CDK3: variants seen among roughly 807,000 people sequenced by gnomAD.
CDK3 encodes the protein cyclin dependent kinase 3.
In CDK3, 24 loss-of-function variants were observed where a neutral mutation model predicts 30.2. The observed-to-expected ratio is 0.79, with a 90% confidence interval of 0.57 to 1.12. The LOEUF (loss-of-function observed/expected upper bound fraction) is 1.12. Ranked by LOEUF, CDK3 falls within the 50% of genes most tolerant of loss-of-function variation. The probability of loss-of-function intolerance (pLI) is 0.00; values close to 1 mark genes in which losing one functional copy is unlikely to be tolerated. For synonymous variants in CDK3, 158 were observed against 154.2 expected, an observed-to-expected ratio of 1.02 and a Z score of -0.18; for missense variants, 345 against 376.0, an observed-to-expected ratio of 0.92 and a Z score of 0.68.
chr17:76,003,707 A>C (rs1455439012), intron 7 of CDK3, among the ~76,000 whole-genome samples: 1 of 152,104 alleles, frequency 6.6e-6, no homozygotes, highest in Non-Finnish European at 1.5e-5. Context: ...GCTCCATCTA[A>C]GCTGTATGCC....
chr17:76,003,099 T>C, intron 6 of CDK3, 96 bp from the exon 7 acceptor site: 1 of 957,722 alleles, frequency 1.0e-6, no homozygotes, highest in Non-Finnish European at 1.6e-6. Flanking sequence ...AAAAGATATC[T>C]TGACAGGCCT....
rs73997685 is a variant in CDK3, at chr17:76,005,620, C to T, written c.*197C>T. ...TGTTGTTTTTTGGGTTGGACGGTGCCGTTTCAAAATAGAGGCACAGATGCT... is the reference window on the plus strand; with the variant it reads ...TGTTGTTTTTTGGGTTGGACGGTGCTGTTTCAAAATAGAGGCACAGATGCT... On this transcript the variant is annotated 3_prime_UTR_variant, in exon 8 of 8. Coordinates refer to ENST00000448471, the MANE Select transcript of CDK3 (RefSeq NM_001258.4). The surrounding 1 kb of genome is among the most constrained non-coding windows in gnomAD (Gnocchi z 4.7). 4.3e-4 allele frequency: 263 copies of T among 607,914 alleles called. No homozygotes were observed. The highest frequency in any genetic ancestry group is 3.9e-3 in the African/African-American group (207 of 53,626). 37.7% of individuals were successfully genotyped at this position (607,914 alleles called of 1,614,324 possible).
intron 7 of CDK3, among the ~76,000 whole-genome samples, chr17:76,004,933 T>TG (rs920371410): frequency 3.3e-5 from 5 of 152,246 alleles, no homozygotes; most frequent in Middle Eastern, 3.4e-3. Flanking sequence ...TTTGGCCTCT[T>TG]GGAGTGTCAG....
intron 7 of CDK3, among the ~76,000 whole-genome samples, chr17:76,004,020 A>C (rs776224139): frequency 4.6e-5 from 7 of 151,826 alleles, no homozygotes; most frequent in Non-Finnish European, 8.8e-5. Flanking sequence ...CTGGGATTAC[A>C]GGCATGAGCC....
Position 76,001,367 on chromosome 17 carries a change from C to T in CDK3, c.-14-45C>T, listed in dbSNP as rs1448368111. 38 of 1,610,588 alleles carry T rather than the reference C, an allele frequency of 2.4e-5. No homozygotes were observed. The highest frequency in any genetic ancestry group is 4.4e-5 in the South Asian group (4 of 90,814). Reference sequence around the variant, plus strand: ...ATGGAAGCTGGAGGAGCAACGGGAGCGCTGGGCGTGGGGTGCAAATTGCCC... The same window carrying T: ...ATGGAAGCTGGAGGAGCAACGGGAGTGCTGGGCGTGGGGTGCAAATTGCCC... On this transcript the variant is annotated intron_variant, in intron 1 of 7. Coordinates refer to ENST00000448471, the MANE Select transcript of CDK3 (RefSeq NM_001258.4). The surrounding 1 kb of genome is among the most constrained non-coding windows in gnomAD (Gnocchi z 6.2).
At position 76,001,768 on chromosome 17, in the gene CDK3, G is replaced by A. The variant is rs528970313; in HGVS notation, c.117-106G>A. 5.3e-5 allele frequency: 60 copies of A among 1,132,936 alleles called. No individual in the cohort carries two copies. The highest frequency in any genetic ancestry group is 2.9e-4 in the Middle Eastern group (1 of 3,402). The allele number at this position is 1,132,936 out of a possible 1,614,324, so 70.2% of individuals were successfully genotyped here. A position where few individuals can be genotyped will look rare whatever the true frequency, so the allele number is the denominator to read the frequency against. On this transcript the variant is annotated intron_variant, in intron 2 of 7. Transcript: ENST00000448471. This position sits in a 1 kb window ranked among gnomAD's most constrained non-coding sequence, Gnocchi z 6.2. ...CCAAGGAGCACAGGTCTCCATTGCC[G>A]GGGCCCTGGTCATTCTGTGGGGTTA...
Position 76,005,138 on chromosome 17 carries a change from C to T in CDK3, c.793-160C>T, listed in dbSNP as rs1238905543. Among the ~76,000 whole-genome samples, 2 of 152,148 alleles carry T rather than the reference C, an allele frequency of 1.3e-5. No individual in the cohort carries two copies. The highest frequency in any genetic ancestry group is 6.5e-5 in the Admixed American group (1 of 15,284). On this transcript the variant is annotated intron_variant, in intron 7 of 7. Transcript: ENST00000448471. This position sits in a 1 kb window ranked among gnomAD's most constrained non-coding sequence, Gnocchi z 4.7. Reference sequence around the variant, plus strand: ...GGACTGTCCAGATTCCAGGAGTGTCCGGAACTGGCTGGAGAGCTGGGAGGT... The same window carrying T: ...GGACTGTCCAGATTCCAGGAGTGTCTGGAACTGGCTGGAGAGCTGGGAGGT...
Position 76,005,284 on chromosome 17 carries a change from T to A in CDK3, c.793-14T>A. The A allele has an allele frequency of 6.2e-7, 1 of 1,613,004 alleles. No homozygotes were observed. On this transcript the variant is annotated splice_polypyrimidine_tract_variant and intron_variant, in intron 7 of 7. Coordinates refer to ENST00000448471, the MANE Select transcript of CDK3 (RefSeq NM_001258.4). This position sits in a 1 kb window ranked among gnomAD's most constrained non-coding sequence, Gnocchi z 4.7. ...CTGCACCCAGACCACATCTTCTTCC[T>A]TCTTTCTTCCTAGCAACTCCTGCAG...
rs1294509110 is a variant in CDK3 at position 76,002,290 on chromosome 17, T to A, written c.358T>A (p.Ser120Thr). 6.2e-7 allele frequency: 1 copy of A among 1,611,546 alleles called. No individual in the cohort carries two copies. The highest frequency in any genetic ancestry group is 1.3e-5 in the African/African-American group (1 of 74,784). Residue 120 changes from serine (S) to threonine (T), a missense_variant, in exon 5 of 8, where the codon TCA (serine) becomes ACA (threonine). Transcript: ENST00000448471. This position sits in a 1 kb window ranked among gnomAD's most constrained non-coding sequence, Gnocchi z 4.3. Reference sequence around the variant, plus strand: ...GCTGCAGGGGGTGAGTTTCTGCCACTCACATCGGGTCATCCACCGAGACCT... The same window carrying A: ...GCTGCAGGGGGTGAGTTTCTGCCACACACATCGGGTCATCCACCGAGACCT... ...QLLQGVSFCHSHRVIHRDLKP... is the reference protein window; with the variant it reads ...QLLQGVSFCHTHRVIHRDLKP...
In CDK3 at chr17:76,003,881, T is replaced by C. The variant is rs1362842132; in HGVS notation, c.792+483T>C. ...CCTCAGCCTCCCGAGTAGCTGGGACTACAGGTGCCTGCCACCACGCCCAGC... is the reference window on the plus strand; with the variant it reads ...CCTCAGCCTCCCGAGTAGCTGGGACCACAGGTGCCTGCCACCACGCCCAGC... On this transcript the variant is annotated intron_variant, in intron 7 of 7. Transcript: ENST00000448471. Among the ~76,000 whole-genome samples the C allele has an allele frequency of 2.0e-5, 3 of 152,216 alleles. No individual in the cohort carries two copies. In the East Asian group the frequency reaches 5.8e-4, roughly 29 times the overall value.
At position 76,001,047 on chromosome 17, in the gene CDK3, G is replaced by A. The variant is rs1217543630; in HGVS notation, c.-15+80G>A. The A allele has an allele frequency of 1.7e-6, 2 of 1,158,316 alleles. No homozygotes were observed. The highest frequency in any genetic ancestry group is 1.6e-5 in the African/African-American group (1 of 61,518). 71.8% of individuals were successfully genotyped at this position (1,158,316 alleles called of 1,614,324 possible). ...GTCCATGTTGGGCTGGGCTGGGCGA[G>A]GGGTGGTCTCTGACTTCCTGGGGGT... is the stretch of plus-strand genomic sequence containing the variant. On this transcript the variant is annotated intron_variant, in intron 1 of 7. Coordinates refer to ENST00000448471, the MANE Select transcript of CDK3 (RefSeq NM_001258.4). This position sits in a 1 kb window ranked among gnomAD's most constrained non-coding sequence, Gnocchi z 6.2.
chr17:76,002,658 C>A lies in CDK3; in HGVS notation c.588+46C>A. 1 of 781,348 alleles carries A rather than the reference C, an allele frequency of 1.3e-6. No individual in the cohort carries two copies. The highest frequency in any genetic ancestry group is 2.4e-6 in the Non-Finnish European group (1 of 420,560). The allele number at this position is 781,348 out of a possible 1,614,324, so 48.4% of individuals were successfully genotyped here. ...GGCCACAGGGTGCCACAGGCAGGGT[C>A]CTACTGGGGTTGGGTGGGGTCCACT... On this transcript the variant is annotated intron_variant, in intron 6 of 7. Coordinates refer to ENST00000448471, the MANE Select transcript of CDK3 (RefSeq NM_001258.4). This position sits in a 1 kb window ranked among gnomAD's most constrained non-coding sequence, Gnocchi z 4.3.
At position 76,005,260 on chromosome 17, in the gene CDK3, T is replaced by C; in HGVS notation, c.793-38T>C. ...GGGGAATTTCTCACCCCACCCTGGC[T>C]GCACCCAGACCACATCTTCTTCCTT... On this transcript the variant is annotated intron_variant, in intron 7 of 7. Transcript: ENST00000448471. The surrounding 1 kb of genome is among the most constrained non-coding windows in gnomAD (Gnocchi z 4.7). 6.2e-7 allele frequency: 1 copy of C among 1,604,710 alleles called. No homozygotes were observed. Among genetic ancestry groups the C allele is most frequent in the South Asian group, 1.1e-5 (1 of 90,306 alleles).
intron 7 of CDK3, among the ~76,000 whole-genome samples, chr17:76,004,219 G>GTTTTT (rs59029490): frequency 2.2e-5 from 2 of 92,322 alleles, no homozygotes; most frequent in Non-Finnish European, 1.9e-5. Flanking sequence ...AGAACCGTCT[G>GTTTTT]TTTTTTTTTT....
intron 7 of CDK3, among the ~76,000 whole-genome samples, chr17:76,004,008 T>G (rs1443122961): frequency 3.9e-5 from 6 of 152,012 alleles, no homozygotes; most frequent in Non-Finnish European, 8.8e-5. Flanking sequence ...CTTCCCAAAG[T>G]GCTGGGATTA....
At chr17:76,004,152 C>A (rs1348809048) in intron 7 of CDK3, among the ~76,000 whole-genome samples, 1 of 151,140 alleles carries the variant, frequency 6.6e-6, no homozygotes, top group African/African-American at 2.4e-5. Flanking sequence ...TTCTCACTCA[C>A]CCCTCCTGTT....
At chr17:76,003,816 C>T (rs1313748844) in intron 7 of CDK3, among the ~76,000 whole-genome samples, 2 of 152,146 alleles carry the variant, frequency 1.3e-5, no homozygotes, top group Non-Finnish European at 2.9e-5. Context: ...GATCTCAGCT[C>T]ACTGCAACTT....
In CDK3 at chr17:76,002,797, G is replaced by C. The variant is rs1373917724; in HGVS notation, c.588+185G>C. On this transcript the variant is annotated intron_variant, in intron 6 of 7. Coordinates refer to ENST00000448471, the MANE Select transcript of CDK3 (RefSeq NM_001258.4). The surrounding 1 kb of genome is among the most constrained non-coding windows in gnomAD (Gnocchi z 4.3). ...GAGGATGGCTTGAGCCCAGGAGTTT[G>C]AGACCAGCCTGGGCAACGTAACAAA... is the stretch of plus-strand genomic sequence containing the variant. The C allele has an allele frequency of 5.1e-6, 3 of 584,258 alleles. No individual in the cohort carries two copies. Among genetic ancestry groups the C allele is most frequent in the Non-Finnish European group, 9.2e-6 (3 of 327,134 alleles). 36.2% of individuals were successfully genotyped at this position (584,258 alleles called of 1,614,324 possible).
chr17:76,001,245 C>T lies in CDK3; in HGVS notation c.-14-167C>T, dbSNP rs1234880342. ...TGAGGGGCGGTTTCCGACCCCCAGC[C>T]AGGTTCCCAGGCAGGATGAGCTGGG... On this transcript the variant is annotated intron_variant, in intron 1 of 7. Transcript: ENST00000448471. The surrounding 1 kb of genome is among the most constrained non-coding windows in gnomAD (Gnocchi z 6.2). 2 of 1,472,422 alleles carry T rather than the reference C, an allele frequency of 1.4e-6. No homozygotes were observed. The highest frequency in any genetic ancestry group is 9.0e-7 in the Non-Finnish European group (1 of 1,113,210). The allele number at this position is 1,472,422 out of a possible 1,614,324, so 91.2% of individuals were successfully genotyped here. A position where few individuals can be genotyped will look rare whatever the true frequency, so the allele number is the denominator to read the frequency against.
Sources: allele counts gnomAD v4.1 joint callset (sites outside exome capture counted in the v4.1 genomes callset), GRCh38; gene constraint gnomAD v4.1.1; non-coding constraint Gnocchi (gnomAD v3.1); transcripts MANE v1.5; gene names NCBI Gene and HGNC (gene_info 2026-07-23, HGNC 2026-07-21).